KIAA0513: variants seen among roughly 807,000 people sequenced by gnomAD.
The protein encoded by KIAA0513 is uncharacterized protein KIAA0513.
A neutral mutation model predicts 56.5 loss-of-function variants in KIAA0513; 39 were observed. The ratio of observed to expected loss-of-function variants is 0.69; its 90% CI spans 0.53 to 0.90. The LOEUF is 0.90. Ranked by LOEUF, KIAA0513 falls within the 40% of genes least tolerant of loss-of-function variation. The pLI, the probability that KIAA0513 is intolerant of heterozygous loss-of-function variation, is 0.00. For missense variants in KIAA0513, 591 were observed against 535.2 expected (o/e 1.10, Z -1.03); for synonymous variants, 268 against 215.6 (o/e 1.24, Z -2.13).
chr16:85,065,281 C>T (rs1165218728), intron 1 of KIAA0513, among the ~76,000 whole-genome samples: 1 of 152,200 alleles, frequency 6.6e-6, no homozygotes, highest in Admixed American at 6.5e-5. Flanking sequence ...AGACTAGGCG[C>T]CCTGGCCGGG....
intron 3 of KIAA0513, among the ~76,000 whole-genome samples, chr16:85,072,274 TGG>T (rs1268442861): frequency 2.6e-5 from 4 of 152,154 alleles, no homozygotes. Context: ...AGTAAGAAAC[TGG>T]GCTTTCAACT....
rs753884307 is a variant in KIAA0513, at chr16:85,078,929, C to G, written c.828C>G (p.Thr276=). The G allele has an allele frequency of 2.5e-6, 4 of 1,614,016 alleles. No individual in the cohort carries two copies. Among genetic ancestry groups the G allele is most frequent in the African/African-American group, 2.7e-5 (2 of 74,926 alleles). ...KPQEKRPRAV[T]AYSPEDEKKG... Reference sequence around the variant, plus strand: ...CCATTCTCTCTCCTCCCACAGTGACCGCGTACAGCCCCGAGGACGAAAAGA... The same window carrying G: ...CCATTCTCTCTCCTCCCACAGTGACGGCGTACAGCCCCGAGGACGAAAAGA... Residue 276 remains threonine (T), a synonymous_variant, in exon 8 of 13, where the codon ACC becomes ACG. Transcript: ENST00000683363.
rs534081652 is a variant in KIAA0513, at chr16:85,077,029, C to A, written c.575-396C>A. 3.3e-5 allele frequency among the ~76,000 whole-genome samples: 5 copies of A among 152,280 alleles called. No homozygotes were observed. The South Asian group carries it at 1.0e-3, about 32-fold the overall frequency. Reference sequence around the variant, plus strand: ...TGCCCAGACTCCTCCTCCAGGCCCCCCCCCAACCCGGTGTCTCCACACTCC... The same window carrying A: ...TGCCCAGACTCCTCCTCCAGGCCCCACCCCAACCCGGTGTCTCCACACTCC... On this transcript the variant is annotated intron_variant, in intron 5 of 12. Transcript: ENST00000683363.
intron 1 of KIAA0513, among the ~76,000 whole-genome samples, chr16:85,053,047 C>T (rs1412140553): frequency 1.3e-5 from 2 of 152,032 alleles, no homozygotes; most frequent in Non-Finnish European, 2.9e-5. Context: ...ACCACCACAC[C>T]CAGCGAATTT....
At chr16:85,046,216 T>C (rs1434546558) in intron 1 of KIAA0513, among the ~76,000 whole-genome samples, 1 of 152,224 alleles carries the variant, frequency 6.6e-6, no homozygotes, top group East Asian at 1.9e-4. Flanking sequence ...CATGCCTTTC[T>C]GGGCAGTGCG....
At chr16:85,058,414 G>C (rs922808610) in intron 1 of KIAA0513, among the ~76,000 whole-genome samples, 1 of 152,168 alleles carries the variant, frequency 6.6e-6, no homozygotes, top group Non-Finnish European at 1.5e-5. Context: ...AGCACTTAGG[G>C]AGGCCGAAGC....
At position 85,077,552 on chromosome 16, in the gene KIAA0513, C is replaced by G. The variant is rs756834382; in HGVS notation, c.702C>G (p.Thr234=). Residue 234 remains threonine, a synonymous_variant, in exon 6 of 13, where the codon ACC becomes ACG. Coordinates refer to ENST00000683363, the MANE Select transcript of KIAA0513 (RefSeq NM_001388359.1). ...TCGCCGAGCGGCTGCTGAAGAACAC[C>G]TCGGCCAGGACTGAGAATGTCAAGG... The part of the protein sequence containing the change: ...KDIAERLLKN[T]SARTENVKGF... The G allele has an allele frequency of 3.1e-6, 5 of 1,614,052 alleles. No homozygotes were observed. The highest frequency in any genetic ancestry group is 1.3e-5 in the African/African-American group (1 of 74,944).
intron 2 of KIAA0513, 28 bp downstream of exon 2, chr16:85,067,428 C>G: frequency 6.4e-7 from 1 of 1,552,242 alleles, no homozygotes; most frequent in South Asian, 1.2e-5. Flanking sequence ...ACGAGACAGC[C>G]TGGTGTGGCC....
intron 1 of KIAA0513, among the ~76,000 whole-genome samples, chr16:85,042,600 A>G (rs2143872759): frequency 6.6e-6 from 1 of 152,364 alleles, no homozygotes; most frequent in Middle Eastern, 3.4e-3. Context: ...GTTTTAGCTC[A>G]TATGTTACTG....
intron 6 of KIAA0513, 162 bp from the exon 7 acceptor site, chr16:85,078,253 C>A: frequency 4.8e-6 from 1 of 209,742 alleles, no homozygotes; most frequent in Non-Finnish European, 8.3e-6. Flanking sequence ...AATTCTGAAA[C>A]ACTGGCAGTT....
At chr16:85,050,929 C>T (rs547704387) in intron 1 of KIAA0513, among the ~76,000 whole-genome samples, 3 of 152,112 alleles carry the variant, frequency 2.0e-5, no homozygotes, top group Non-Finnish European at 4.4e-5. Flanking sequence ...GCCAAGGCGG[C>T]AGGATCACTT....
chr16:85,032,339 T>C (rs1402135770), intron 1 of KIAA0513, among the ~76,000 whole-genome samples: 1 of 152,252 alleles, frequency 6.6e-6, no homozygotes, highest in African/African-American at 2.4e-5. Flanking sequence ...TACTCCATTG[T>C]GACCTTCTGT....
chr16:85,062,665 C>T (rs1234468307), intron 1 of KIAA0513, among the ~76,000 whole-genome samples: 1 of 152,108 alleles, frequency 6.6e-6, no homozygotes, highest in African/African-American at 2.4e-5. Context: ...AAATTAGTTG[C>T]CAGTGTTGAA....
intron 1 of KIAA0513, among the ~76,000 whole-genome samples, chr16:85,042,448 C>T (rs1190587149): frequency 6.6e-6 from 1 of 152,152 alleles, no homozygotes; most frequent in Non-Finnish European, 1.5e-5. Flanking sequence ...GGGTCCTTGT[C>T]CATACCCGCA....
intron 1 of KIAA0513, among the ~76,000 whole-genome samples, chr16:85,035,169 G>T (rs1015797589): frequency 3.3e-5 from 5 of 152,206 alleles, no homozygotes; most frequent in Admixed American, 6.5e-5. Context: ...GTGGTGCTGG[G>T]TCTGTCCCCC....
rs2073159488 is a variant in KIAA0513, at chr16:85,045,514, C to G, written c.-173+17656C>G. Among the ~76,000 whole-genome samples the G allele has an allele frequency of 2.0e-5, 3 of 152,152 alleles. No individual in the cohort carries two copies. In the South Asian group the frequency reaches 6.2e-4, roughly 32 times the overall value. On this transcript the variant is annotated intron_variant, in intron 1 of 12. Coordinates refer to ENST00000683363, the MANE Select transcript of KIAA0513 (RefSeq NM_001388359.1). Reference sequence around the variant, plus strand: ...GGGATTACAGGCACCCACCATCATGCCCAGCTAATTTTTGTATTTTTAGTA... The same window carrying G: ...GGGATTACAGGCACCCACCATCATGGCCAGCTAATTTTTGTATTTTTAGTA...
intron 1 of KIAA0513, among the ~76,000 whole-genome samples, chr16:85,043,051 A>T (rs1489567511): frequency 3.3e-5 from 5 of 152,264 alleles, no homozygotes; most frequent in South Asian, 2.1e-4. Context: ...AGTAGGAAAG[A>T]TAATTCTTTA....
At chr16:85,078,323 C>G in intron 6 of KIAA0513, 92 bp from the exon 7 acceptor site, 3 of 1,371,870 alleles carry the variant, frequency 2.2e-6, no homozygotes, top group Non-Finnish European at 3.1e-6. Context: ...TAAATGTACC[C>G]AGTCCCACCT....
At chr16:85,075,504 C>T (rs1313520000) in intron 4 of KIAA0513, among the ~76,000 whole-genome samples, 1 of 152,144 alleles carries the variant, frequency 6.6e-6, no homozygotes, top group African/African-American at 2.4e-5. Flanking sequence ...GAGGGCTGGG[C>T]GGCCTGAGCC....
Sources: gnomAD v4.1 joint callset for allele counts (sites outside exome capture counted in the v4.1 genomes callset) on GRCh38, gnomAD v4.1.1 for gene constraint, MANE v1.5 for transcripts, NCBI Gene and HGNC (gene_info 2026-07-23, HGNC 2026-07-21) for gene names.